Variants in GRK5 observed in about 807,000 individuals in gnomAD.
GRK5 encodes the protein g protein-coupled receptor kinase GRK5.
A neutral mutation model predicts 78.4 loss-of-function variants in GRK5; 40 were observed. That is an observed-to-expected ratio of 0.51 (90% CI 0.40 to 0.66). The LOEUF (loss-of-function observed/expected upper bound fraction) is 0.66. Among genes scored for constraint, GRK5 ranks in the 30% least tolerant of loss-of-function variants. The probability of loss-of-function intolerance (pLI) is 0.00; values close to 1 mark genes in which losing one functional copy is unlikely to be tolerated. For missense variants in GRK5, 598 were observed against 759.9 expected, an observed-to-expected ratio of 0.79 and a Z score of 2.50; for synonymous variants, 289 against 296.8, an observed-to-expected ratio of 0.97 and a Z score of 0.27.
chr10:119,334,509 A>G (rs1016506701), intron 2 of GRK5: 4 of 152,222 alleles, frequency 2.6e-5, no homozygotes, highest in African/African-American at 9.7e-5. Flanking sequence ...TTCATGGGAG[A>G]TCATTAGAGA....
intron 1 of GRK5, among the ~76,000 whole-genome samples, chr10:119,291,540 T>C (rs1280826564): frequency 6.5e-5 from 8 of 123,228 alleles, no homozygotes; most frequent in South Asian, 2.8e-4. Flanking sequence ...CCTCCTCCTC[T>C]TCCTCCTCCT....
intron 1 of GRK5, among the ~76,000 whole-genome samples, chr10:119,317,699 G>A (rs775924655): frequency 6.6e-6 from 1 of 152,120 alleles, no homozygotes; most frequent in Non-Finnish European, 1.5e-5. Flanking sequence ...CAGAGCCCAG[G>A]ATCACCAGAT....
In GRK5 at chr10:119,405,185, C is replaced by T. The variant is rs1047872390; in HGVS notation, c.339+8413C>T. On this transcript the variant is annotated intron_variant, in intron 4 of 15. Transcript: ENST00000392870. Reference sequence around the variant, plus strand: ...GCTGAAAGGGCCTGCGTGGGTTCTTCCCGGACAAGGGGGTGGACAGGTGGG... The same window carrying T: ...GCTGAAAGGGCCTGCGTGGGTTCTTTCCGGACAAGGGGGTGGACAGGTGGG... Among the ~76,000 whole-genome samples the T allele has an allele frequency of 2.4e-4, 37 of 152,050 alleles. 1 individual carries two copies. Among genetic ancestry groups the T allele is most frequent in the Non-Finnish European group, 2.9e-5 (2 of 68,018 alleles).
chr10:119,405,761 C>T (rs888594700), intron 4 of GRK5, among the ~76,000 whole-genome samples: 3 of 152,216 alleles, frequency 2.0e-5, no homozygotes, highest in African/African-American at 7.2e-5. Context: ...AAAATGGCGC[C>T]TACCTGTGCT....
At chr10:119,250,814 A>G (rs1360181251) in intron 1 of GRK5, among the ~76,000 whole-genome samples, 1 of 152,224 alleles carries the variant, frequency 6.6e-6, no homozygotes, top group Non-Finnish European at 1.5e-5. Context: ...AGAGTATGTT[A>G]CTATATTTTT....
rs147826179 is a variant in GRK5 at position 119,430,773 on chromosome 10, C to A, written c.597+335C>A. Among the ~76,000 whole-genome samples the A allele has an allele frequency of 2.0e-5, 3 of 152,244 alleles. No individual in the cohort carries two copies. In the East Asian group the frequency reaches 5.8e-4, roughly 29 times the overall value. Reference sequence around the variant, plus strand: ...CGTGAGGAGGCTGGGCAACCTTGGCCACTCAGTGCCTGGATGACGCTGTCA... The same window carrying A: ...CGTGAGGAGGCTGGGCAACCTTGGCAACTCAGTGCCTGGATGACGCTGTCA... On this transcript the variant is annotated intron_variant, in intron 7 of 15. Transcript: ENST00000392870. The surrounding 1 kb of genome is among the most constrained non-coding windows in gnomAD (Gnocchi z 4.5).
intron 2 of GRK5, among the ~76,000 whole-genome samples, chr10:119,364,662 C>A (rs1851417237): frequency 6.6e-6 from 1 of 152,134 alleles, no homozygotes; most frequent in African/African-American, 2.4e-5. Context: ...GAACCCCGGG[C>A]CCCCATGAAG....
chr10:119,263,030 C>T (rs1016667681), intron 1 of GRK5, among the ~76,000 whole-genome samples: 4 of 151,416 alleles, frequency 2.6e-5, no homozygotes, highest in African/African-American at 4.9e-5. Context: ...TTTTTTGAGA[C>T]GGAGTCTTGC....
Position 119,405,695 on chromosome 10 carries a change from T to C in GRK5, c.339+8923T>C, listed in dbSNP as rs558461999. 3.3e-5 allele frequency among the ~76,000 whole-genome samples: 5 copies of C among 151,524 alleles called. No individual in the cohort carries two copies. In the East Asian group the frequency reaches 9.8e-4, roughly 30 times the overall value. On this transcript the variant is annotated intron_variant, in intron 4 of 15. Transcript: ENST00000392870. ...CCTCATGCAACCCCAGTCCTGCCAC[T>C]TTCCAGCTCTGCATCCTTGGAGCCT...
chr10:119,342,783 G>T (rs532952487), intron 2 of GRK5, among the ~76,000 whole-genome samples: 1 of 152,184 alleles, frequency 6.6e-6, no homozygotes, highest in Non-Finnish European at 1.5e-5. Flanking sequence ...TCTTGGCAGC[G>T]CAGGCTGGGC....
chr10:119,247,025 C>G (rs1036715732), intron 1 of GRK5, among the ~76,000 whole-genome samples: 1 of 152,072 alleles, frequency 6.6e-6, no homozygotes, highest in African/African-American at 2.4e-5. Context: ...TGCCCTGGCC[C>G]GAGGATGGGA....
chr10:119,413,580 C>T (rs1329997860), intron 4 of GRK5, among the ~76,000 whole-genome samples: 2 of 152,018 alleles, frequency 1.3e-5, no homozygotes, highest in African/African-American at 4.8e-5. Flanking sequence ...CGTCTGCGGG[C>T]ATTTGCGGAA....
chr10:119,338,164 C>T (rs917480392), intron 2 of GRK5, among the ~76,000 whole-genome samples: 4 of 152,076 alleles, frequency 2.6e-5, no homozygotes, highest in Non-Finnish European at 5.9e-5. Context: ...TGATTCCCAC[C>T]GGGTCTGAGG....
chr10:119,381,152 A>G (rs911065712), intron 3 of GRK5, among the ~76,000 whole-genome samples: 4 of 152,104 alleles, frequency 2.6e-5, no homozygotes, highest in Non-Finnish European at 1.5e-5. Flanking sequence ...TCTGGACCTT[A>G]GTTGCTATTG....
chr10:119,214,369 C>T (rs1306454907), intron 1 of GRK5, among the ~76,000 whole-genome samples: 1 of 152,186 alleles, frequency 6.6e-6, no homozygotes, highest in Non-Finnish European at 1.5e-5. Context: ...ACCTCCTTAG[C>T]TGTGTAGACT....
At chr10:119,347,839 G>A (rs1327162292) in intron 2 of GRK5, among the ~76,000 whole-genome samples, 1 of 152,232 alleles carries the variant, frequency 6.6e-6, no homozygotes, top group Non-Finnish European at 1.5e-5. Context: ...CTTCCCTGGG[G>A]GGCAGGGACA....
chr10:119,394,192 A>ATGTGTGGGGGTGGGTGTC (rs1851945687), intron 3 of GRK5, among the ~76,000 whole-genome samples: 1 of 18,750 alleles, frequency 5.3e-5, no homozygotes, highest in Non-Finnish European at 1.1e-4. Context: ...GTGTCTGTGT[A>ATGTGTGGGGGTGGGTGTC]TGGGGGTGTG....
chr10:119,435,888 G>T (rs1047161511), intron 8 of GRK5, among the ~76,000 whole-genome samples: 1 of 152,218 alleles, frequency 6.6e-6, no homozygotes, highest in Non-Finnish European at 1.5e-5. Flanking sequence ...ACAGTTCCAC[G>T]TGGCTGGGGA....
At chr10:119,234,239 T>G (rs150285698) in intron 1 of GRK5, among the ~76,000 whole-genome samples, 183 of 152,312 alleles carry the variant, frequency 1.2e-3, no homozygotes, top group Non-Finnish European at 2.1e-3. Flanking sequence ...TCCTAAACTT[T>G]CCCAAGGTCA....
Sources: gnomAD v4.1 joint callset for allele counts (sites outside exome capture counted in the v4.1 genomes callset) on GRCh38, gnomAD v4.1.1 for gene constraint, Gnocchi (gnomAD v3.1) non-coding constraint, MANE v1.5 for transcripts, NCBI Gene and HGNC (gene_info 2026-07-23, HGNC 2026-07-21) for gene names.